Variants in MAP3K2 observed in about 807,000 individuals in gnomAD.
The protein encoded by MAP3K2 is MAP/ERK kinase kinase 2.
A neutral mutation model predicts 80.3 loss-of-function variants in MAP3K2; 24 were observed. That is an observed-to-expected ratio of 0.30 (90% CI 0.22 to 0.42). MAP3K2 has a LOEUF of 0.42. Among genes scored for constraint, MAP3K2 ranks in the 10% least tolerant of loss-of-function variants. The pLI, the probability that MAP3K2 is intolerant of heterozygous loss-of-function variation, is 1.00. For missense variants in MAP3K2, 608 were observed against 750.1 expected (o/e 0.81, Z 2.21); for synonymous variants, 244 against 253.7 (o/e 0.96, Z 0.36).
chr2:127,385,420 CATA>C (rs1349367147), intron 1 of MAP3K2, among the ~76,000 whole-genome samples: 2 of 152,182 alleles, frequency 1.3e-5, no homozygotes, highest in Non-Finnish European at 2.9e-5. Flanking sequence ...TTTTTTTAGA[CATA>C]ATGCCATTGC....
At chr2:127,329,418 A>C (rs1270360660) in intron 7 of MAP3K2, among the ~76,000 whole-genome samples, 1 of 146,804 alleles carries the variant, frequency 6.8e-6, no homozygotes, top group South Asian at 2.1e-4. Context: ...GTGCAGTGGC[A>C]CAATCTCGGC....
intron 5 of MAP3K2, among the ~76,000 whole-genome samples, chr2:127,330,767 T>A (rs892166110): frequency 1.3e-5 from 2 of 152,214 alleles, no homozygotes; most frequent in Admixed American, 6.5e-5. Context: ...AAAGATTAAT[T>A]TTCTAGGATA....
rs778630679 is a variant in MAP3K2 at position 127,308,608 on chromosome 2, G to A, written c.1611C>T (p.Gly537=). ...ACCAGATGTCTGCTTTTCTTCCATA[G>A]CCTTCTCCACTGATGACTTCAGGGC... The part of the protein sequence containing the change: ...WMSPEVISGE[G]YGRKADIWSV... Residue 537 remains glycine (G), a synonymous_variant, in exon 16 of 17, where the codon GGC becomes GGT. Transcript: ENST00000682094. 9 of 1,570,058 alleles carry A rather than the reference G, an allele frequency of 5.7e-6. No homozygotes were observed. The Admixed American group carries it at 1.6e-4, about 27-fold the overall frequency.
At chr2:127,319,696 A>C (rs1352818079) in intron 12 of MAP3K2, among the ~76,000 whole-genome samples, 1 of 148,420 alleles carries the variant, frequency 6.7e-6, no homozygotes, top group African/African-American at 2.5e-5. Context: ...AAAAATAGCC[A>C]GGTGTGGTGG....
chr2:127,343,250 G>GA (rs1558982704), intron 1 of MAP3K2, 56 bp from the exon 2 acceptor site: 3 of 670,192 alleles, frequency 4.5e-6, no homozygotes, highest in South Asian at 2.4e-5. Flanking sequence ...AAGGAGCCAG[G>GA]AAAAGAAAAA....
intron 15 of MAP3K2, among the ~76,000 whole-genome samples, chr2:127,313,888 T>G (rs943925933): frequency 6.6e-6 from 1 of 152,164 alleles, no homozygotes; most frequent in African/African-American, 2.4e-5. Context: ...CAGGCTGGAC[T>G]TGAACTCCTG....
intron 15 of MAP3K2, among the ~76,000 whole-genome samples, chr2:127,309,085 G>A (rs1008485013): frequency 3.9e-4 from 59 of 152,272 alleles, no homozygotes; most frequent in African/African-American, 1.4e-3. Context: ...GCTCAGTGAA[G>A]GACCAAGAAA....
intron 15 of MAP3K2, among the ~76,000 whole-genome samples, chr2:127,311,367 AG>A (rs1271960623): frequency 5.9e-5 from 9 of 152,232 alleles, no homozygotes; most frequent in Non-Finnish European, 1.2e-4. Flanking sequence ...TGATAGGGGA[AG>A]GAACAGTCCA....
At chr2:127,345,714 A>C (rs568549004) in intron 1 of MAP3K2, among the ~76,000 whole-genome samples, 2 of 152,380 alleles carry the variant, frequency 1.3e-5, no homozygotes, top group South Asian at 4.1e-4. Context: ...AATTGGCAAC[A>C]CAAGGATATC....
intron 8 of MAP3K2, among the ~76,000 whole-genome samples, chr2:127,326,029 T>C (rs1294108662): frequency 2.0e-5 from 3 of 152,162 alleles, no homozygotes; most frequent in African/African-American, 7.2e-5. Flanking sequence ...TTACTCATTT[T>C]CAAATGTCCC....
At chr2:127,374,419 G>A (rs1687116306) in intron 1 of MAP3K2, among the ~76,000 whole-genome samples, 1 of 152,148 alleles carries the variant, frequency 6.6e-6, no homozygotes, top group African/African-American at 2.4e-5. Flanking sequence ...ATCACTGCCT[G>A]ACCAAGCCAC....
chr2:127,329,996 C>T lies in MAP3K2; in HGVS notation c.391G>A (p.Glu131Lys), dbSNP rs764093683. Residue 131 changes from glutamate to lysine, a missense_variant, in exon 7 of 17, where the codon GAA becomes AAA. By Grantham distance (56) the Glu-to-Lys change is moderately conservative (BLOSUM62 1). Transcript: ENST00000682094. ...INGSTQATNL[E>K]PLPSLEDLDN... ...AAATCTTCTAGTGATGGCAATGGTT[C>T]TAAATTAGTAGCCTACAAAGGAGAA... 3.7e-6 allele frequency: 6 copies of T among 1,604,486 alleles called. No homozygotes were observed. In the African/African-American group the frequency reaches 6.7e-5, roughly 18 times the overall value.
chr2:127,319,567 G>A (rs909013501), intron 12 of MAP3K2, among the ~76,000 whole-genome samples: 5 of 150,536 alleles, frequency 3.3e-5, no homozygotes, highest in Non-Finnish European at 7.4e-5. Flanking sequence ...CACTTTGGGA[G>A]GCCGAGGCGG....
At chr2:127,325,861 T>C in intron 8 of MAP3K2, 54 bp from the exon 9 acceptor site, 1 of 1,300,156 alleles carries the variant, frequency 7.7e-7, no homozygotes, top group Non-Finnish European at 1.1e-6. Flanking sequence ...CAAAAGTTGC[T>C]TATTAAAAAA....
In MAP3K2 at chr2:127,307,688, G is replaced by A. The variant is rs764546713; in HGVS notation, c.1751C>T (p.Pro584Leu). The stretch of plus-strand genomic sequence containing the variant: ...ATCTCGAGTATAGTCTGAGACATGA[G>A]GTGGCAGCTTTGGGTTTGTTGGCTG... ...ATQPTNPKLP[P>L]HVSDYTRDFL... Residue 584 changes from proline to leucine, a missense_variant, in exon 17 of 17, where the codon CCT (proline) becomes CTT (leucine). Transcript: ENST00000682094. This position sits in a 1 kb window ranked among gnomAD's most constrained non-coding sequence, Gnocchi z 5.4. 2 of 1,596,714 alleles carry A rather than the reference G, an allele frequency of 1.3e-6. No individual in the cohort carries two copies. The highest frequency in any genetic ancestry group is 1.1e-5 in the South Asian group (1 of 88,026).
In MAP3K2 at chr2:127,298,788, T is replaced by C. The variant is rs1441883517; in HGVS notation, c.*8791A>G. 6.6e-6 allele frequency: 1 copy of C among 152,200 alleles called. No homozygotes were observed. The highest frequency in any genetic ancestry group is 2.4e-5 in the African/African-American group (1 of 41,450). The allele number at this position is 152,200 out of a possible 1,614,324, so 9.4% of individuals were successfully genotyped here. A position where few individuals can be genotyped will look rare whatever the true frequency, so the allele number is the denominator to read the frequency against. On this transcript the variant is annotated 3_prime_UTR_variant, in exon 17 of 17. Coordinates refer to ENST00000682094, the MANE Select transcript of MAP3K2 (RefSeq NM_001371910.2). ...TTTGCACCACAATCTTTCAAAAAAA[T>C]GAACATGTAAGAAAAAGCAGTTTTC... is the stretch of plus-strand genomic sequence containing the variant.
chr2:127,373,321 C>T lies in MAP3K2; in HGVS notation c.-66+14131G>A, dbSNP rs1203414051. Among the ~76,000 whole-genome samples, 15 of 152,142 alleles carry T rather than the reference C, an allele frequency of 9.9e-5. 1 individual carries two copies. Among genetic ancestry groups the T allele is most frequent in the Admixed American group, 9.8e-4 (15 of 15,276 alleles). On this transcript the variant is annotated intron_variant, in intron 1 of 16. Coordinates refer to ENST00000682094, the MANE Select transcript of MAP3K2 (RefSeq NM_001371910.2). Reference sequence around the variant, plus strand: ...ACAGTTAAGAGGTTTAATCATAGCACCTGAAAAAGTACAGATGTCTTCTCC... The same window carrying T: ...ACAGTTAAGAGGTTTAATCATAGCATCTGAAAAAGTACAGATGTCTTCTCC...
rs1024800269 is a variant in MAP3K2, at chr2:127,387,591, C to T, written c.-205G>A. On this transcript the variant is annotated 5_prime_UTR_variant, in exon 1 of 17. Transcript: ENST00000682094. Reference sequence around the variant, plus strand: ...GCAGGGCCCCCGGGGACCGGAGGGGCGCGCGAGGAGTCGGGCGCGGGCCTT... The same window carrying T: ...GCAGGGCCCCCGGGGACCGGAGGGGTGCGCGAGGAGTCGGGCGCGGGCCTT... 7.1e-6 allele frequency: 7 copies of T among 984,962 alleles called. No individual in the cohort carries two copies. The highest frequency in any genetic ancestry group is 9.4e-5 in the South Asian group (2 of 21,290). The allele number at this position is 984,962 out of a possible 1,614,324, so 61.0% of individuals were successfully genotyped here.
chr2:127,330,363 C>T (rs771893835), intron 6 of MAP3K2, 29 bp downstream of exon 6: 2 of 1,151,936 alleles, frequency 1.7e-6, no homozygotes, highest in East Asian at 2.4e-5. Flanking sequence ...TCCTATAATT[C>T]TTACTGAAAA....
Sources: allele counts gnomAD v4.1 joint callset (sites outside exome capture counted in the v4.1 genomes callset), GRCh38; gene constraint gnomAD v4.1.1; non-coding constraint Gnocchi (gnomAD v3.1); transcripts MANE v1.5; gene names NCBI Gene and HGNC (gene_info 2026-07-23, HGNC 2026-07-21).